The following API5 variants were observed in gnomAD, a reference collection of about 807,000 sequenced individuals.
API5 encodes apoptosis inhibitor 5, also known as FIF.
A neutral mutation model predicts 71.9 loss-of-function variants in API5; 6 were observed. The observed-to-expected ratio is 0.08, with a 90% CI of 0.05 to 0.16. API5 has a LOEUF of 0.16. API5 is among the 10% of genes least tolerant of loss of function. The pLI is 1.00. For synonymous variants in API5, 189 were observed against 221.3 expected, an observed-to-expected ratio of 0.85 and a Z score of 1.30; for missense variants, 332 against 612.8, an observed-to-expected ratio of 0.54 and a Z score of 4.84.
intron 1 of API5, among the ~76,000 whole-genome samples, chr11:43,316,400 T>C (rs543237946): frequency 2.1e-5 from 3 of 140,336 alleles, no homozygotes; most frequent in Non-Finnish European, 4.7e-5. Flanking sequence ...TTTTTTTTTT[T>C]CATTTAATTT....
chr11:43,313,572 T>C (rs1266212112), intron 1 of API5, among the ~76,000 whole-genome samples: 2 of 152,176 alleles, frequency 1.3e-5, no homozygotes, highest in Non-Finnish European at 2.9e-5. Flanking sequence ...ATAGGACTTT[T>C]CTGAGCTGAA....
chr11:43,312,562 G>A (rs1259808497), intron 1 of API5, among the ~76,000 whole-genome samples: 1 of 152,144 alleles, frequency 6.6e-6, no homozygotes, highest in Non-Finnish European at 1.5e-5. Flanking sequence ...GATTAGATCG[G>A]GAGTTTTCTT....
intron 13 of API5, among the ~76,000 whole-genome samples, chr11:43,336,930 C>T (rs61883515): frequency 0.17 from 25,566 of 149,680 alleles, 2,854 homozygotes; most frequent in Non-Finnish European, 0.24. Flanking sequence ...ATGGTTTGAA[C>T]CTGGGAGGTG....
intron 2 of API5, 27 bp downstream of exon 2, chr11:43,318,828 CA>C: frequency 6.3e-7 from 1 of 1,594,314 alleles, no homozygotes; most frequent in Non-Finnish European, 8.6e-7. Flanking sequence ...CACTTCATAG[CA>C]ATCTTTCAGA....
chr11:43,330,461 C>T (rs1214971170), intron 10 of API5, 47 bp from the exon 11 acceptor site: 2 of 1,320,816 alleles, frequency 1.5e-6, no homozygotes, highest in East Asian at 2.3e-5. Flanking sequence ...GATTATGCCT[C>T]ATAGAAGTTA....
At chr11:43,318,216 C>G (rs527569369) in intron 1 of API5, among the ~76,000 whole-genome samples, 17 of 151,534 alleles carry the variant, frequency 1.1e-4, no homozygotes, top group South Asian at 8.4e-4. Flanking sequence ...ACCATGTTGG[C>G]CAAGCTAGTC....
chr11:43,326,673 A>T, intron 7 of API5, 62 bp downstream of exon 7: 1 of 945,250 alleles, frequency 1.1e-6, no homozygotes, highest in Non-Finnish European at 1.7e-6. Context: ...AAAAATGTAA[A>T]CCACTAACTT....
At chr11:43,314,447 A>C (rs754818425) in intron 1 of API5, among the ~76,000 whole-genome samples, 2 of 152,216 alleles carry the variant, frequency 1.3e-5, no homozygotes, top group Non-Finnish European at 2.9e-5. Flanking sequence ...AAGGGGTCAA[A>C]ATGTCTTTCA....
chr11:43,339,836 T>A (rs1855555127), intron 13 of API5, among the ~76,000 whole-genome samples: 3 of 152,208 alleles, frequency 2.0e-5, no homozygotes, highest in Non-Finnish European at 1.5e-5. Flanking sequence ...ATTTTCGAAA[T>A]TGATTATTGA....
chr11:43,330,453 T>C (rs1590263342), intron 10 of API5, 55 bp from the exon 11 acceptor site: 3 of 1,200,538 alleles, frequency 2.5e-6, no homozygotes, highest in East Asian at 4.7e-5. Context: ...ACAGAATGGA[T>C]TATGCCTCAT....
At chr11:43,334,341 C>T (rs1774888882) in intron 11 of API5, among the ~76,000 whole-genome samples, 1 of 152,074 alleles carries the variant, frequency 6.6e-6, no homozygotes, top group Non-Finnish European at 1.5e-5. Context: ...TTTGCCGTTT[C>T]CTCTTCATGT....
In API5 at chr11:43,335,169, C is replaced by G. The variant is rs958758538; in HGVS notation, c.1279-109C>G. Reference sequence around the variant, plus strand: ...GTTTAATTTTCTGTTGCAGTAAGCTCTGTCTCCTAAATTGAATCTTTAAGA... The same window carrying G: ...GTTTAATTTTCTGTTGCAGTAAGCTGTGTCTCCTAAATTGAATCTTTAAGA... On this transcript the variant is annotated intron_variant, in intron 11 of 13. Coordinates refer to ENST00000531273, the MANE Select transcript of API5 (RefSeq NM_001142930.2). 54 of 773,496 alleles carry G rather than the reference C, an allele frequency of 7.0e-5. 1 individual carries two copies. The highest frequency in any genetic ancestry group is 1.1e-4 in the Non-Finnish European group (47 of 443,298). 47.9% of individuals were successfully genotyped at this position (773,496 alleles called of 1,614,324 possible).
intron 1 of API5, 197 bp from the exon 2 acceptor site, chr11:43,318,443 A>G: frequency 6.5e-7 from 1 of 1,534,708 alleles, no homozygotes; most frequent in Non-Finnish European, 8.7e-7. Flanking sequence ...CCCCCAACTC[A>G]AAAATGAAAC....
intron 13 of API5, among the ~76,000 whole-genome samples, chr11:43,337,189 G>A (rs1855464978): frequency 6.6e-6 from 1 of 151,908 alleles, no homozygotes; most frequent in Admixed American, 6.6e-5. Context: ...AGTTGGGTAT[G>A]GTGGCACGCA....
rs1165329690 is a variant in API5, at chr11:43,343,937, G to A, written c.*1427G>A. 1 of 152,568 alleles carries A rather than the reference G, an allele frequency of 6.6e-6. No homozygotes were observed. The highest frequency in any genetic ancestry group is 1.5e-5 in the Non-Finnish European group (1 of 68,034). The allele number at this position is 152,568 out of a possible 1,614,324, so 9.5% of individuals were successfully genotyped here. On this transcript the variant is annotated 3_prime_UTR_variant, in exon 14 of 14. Transcript: ENST00000531273. ...CCATTACCTCTACACTGCAGAAGAA[G>A]CAAAACTCCTTTATTAGAATTACTG...
chr11:43,338,642 T>G (rs1463525367), intron 13 of API5, among the ~76,000 whole-genome samples: 1 of 88,898 alleles, frequency 1.1e-5, no homozygotes, highest in Non-Finnish European at 2.3e-5. Flanking sequence ...CTGTATCAAT[T>G]GGAGGTAAAA....
chr11:43,324,300 G>A (rs1440517240), intron 6 of API5, among the ~76,000 whole-genome samples: 1 of 152,214 alleles, frequency 6.6e-6, no homozygotes. Context: ...TTACAGGTGT[G>A]AGCCACCATG....
Position 43,323,315 on chromosome 11 carries a change from G to A in API5, c.544-115G>A, listed in dbSNP as rs548816637. ...TTGCCTTTTCGTCAGTATTTTGGAA[G>A]CATTAATAACAAACTGACTTTAGTA... On this transcript the variant is annotated intron_variant, in intron 5 of 13. Transcript: ENST00000531273. 3.1e-6 allele frequency: 3 copies of A among 961,100 alleles called. No homozygotes were observed. In the East Asian group the frequency reaches 7.9e-5, roughly 25 times the overall value. 59.5% of individuals were successfully genotyped at this position (961,100 alleles called of 1,614,324 possible). A position where few individuals can be genotyped will look rare whatever the true frequency, so the allele number is the denominator to read the frequency against.
chr11:43,318,512 C>A, intron 1 of API5, 128 bp from the exon 2 acceptor site: 1 of 1,545,296 alleles, frequency 6.5e-7, no homozygotes, highest in Non-Finnish European at 8.7e-7. Context: ...GTAAACCTCC[C>A]AAAATCAGCT....
Sources: gnomAD v4.1 joint callset for allele counts (sites outside exome capture counted in the v4.1 genomes callset) on GRCh38, gnomAD v4.1.1 for gene constraint, MANE v1.5 for transcripts, NCBI Gene and HGNC (gene_info 2026-07-23, HGNC 2026-07-21) for gene names.